The following GIGYF2 variants were observed in gnomAD, a reference collection of about 807,000 sequenced individuals.
The protein encoded by GIGYF2 is GRB10-interacting GYF protein 2.
Under a neutral mutation model 208.1 loss-of-function variants are expected in GIGYF2, and 25 were observed. That is an observed-to-expected ratio of 0.12 (90% CI 0.09 to 0.17). GIGYF2 has a LOEUF of 0.17. Among genes scored for constraint, GIGYF2 ranks in the 10% least tolerant of loss-of-function variants. The pLI is 1.00. For synonymous variants in GIGYF2, 534 were observed against 543.8 expected, an observed-to-expected ratio of 0.98 and a Z score of 0.25; for missense variants, 1,302 against 1,579.4, an observed-to-expected ratio of 0.82 and a Z score of 2.98.
intron 19 of GIGYF2, among the ~76,000 whole-genome samples, chr2:232,816,642 ATGT>A (rs1378651397): frequency 6.6e-6 from 1 of 152,190 alleles, no homozygotes. Context: ...CAGGGTGTTG[ATGT>A]TGTAGCGTAT....
intron 8 of GIGYF2, among the ~76,000 whole-genome samples, chr2:232,781,948 G>C (rs1244346244): frequency 1.3e-5 from 2 of 152,132 alleles, no homozygotes; most frequent in Non-Finnish European, 2.9e-5. Flanking sequence ...AGTTAATGAT[G>C]GTTGACTTAA....
intron 2 of GIGYF2, among the ~76,000 whole-genome samples, chr2:232,722,080 C>T (rs1696968046): frequency 6.6e-6 from 1 of 152,196 alleles, no homozygotes; most frequent in African/African-American, 2.4e-5. Flanking sequence ...AAAACCCTAA[C>T]CCTGGTTTCC....
chr2:232,834,998 T>A (rs1367706148), intron 22 of GIGYF2, among the ~76,000 whole-genome samples: 1 of 152,222 alleles, frequency 6.6e-6, no homozygotes, highest in East Asian at 1.9e-4. Context: ...ACTCACCTCG[T>A]ATTCTCCCAG....
intron 14 of GIGYF2, among the ~76,000 whole-genome samples, chr2:232,799,867 A>G (rs1700340663): frequency 6.6e-6 from 1 of 151,808 alleles, no homozygotes; most frequent in Admixed American, 6.6e-5. Flanking sequence ...GCATTTCCCT[A>G]ATCATAAGGA....
chr2:232,834,132 C>G (rs1187032108), intron 22 of GIGYF2, among the ~76,000 whole-genome samples: 6 of 152,090 alleles, frequency 3.9e-5, no homozygotes, highest in Non-Finnish European at 7.3e-5. Context: ...GAGGAGCAGA[C>G]TTATGGCAGG....
chr2:232,697,562 C>A (rs986003819), intron 1 of GIGYF2, among the ~76,000 whole-genome samples, 170 bp downstream of exon 1: 4 of 152,212 alleles, frequency 2.6e-5, no homozygotes, highest in Non-Finnish European at 4.4e-5. Flanking sequence ...CGGCTTGGGC[C>A]GTCAGGCGAC....
chr2:232,813,252 C>T (rs143198010), intron 18 of GIGYF2, among the ~76,000 whole-genome samples: 43 of 140,682 alleles, frequency 3.1e-4, no homozygotes, highest in African/African-American at 9.6e-4. Context: ...TGCAGTGGTG[C>T]GTTCTCAGCT....
chr2:232,809,569 C>CT (rs1465424041), intron 15 of GIGYF2, 151 bp from the exon 16 acceptor site: 3 of 641,738 alleles, frequency 4.7e-6, no homozygotes, highest in South Asian at 3.5e-5. Context: ...TTAAAGATGT[C>CT]TGAGTTTTTA....
intron 22 of GIGYF2, among the ~76,000 whole-genome samples, chr2:232,836,059 G>A (rs923288490): frequency 2.6e-5 from 4 of 151,168 alleles, no homozygotes; most frequent in Admixed American, 2.0e-4. Flanking sequence ...AAAAACCTGC[G>A]AGTTAGCCCT....
chr2:232,708,167 C>T (rs1574769430), intron 2 of GIGYF2, among the ~76,000 whole-genome samples: 1 of 151,926 alleles, frequency 6.6e-6, no homozygotes, highest in Admixed American at 6.6e-5. Flanking sequence ...GCCATGTTGC[C>T]CAGGCTGGTC....
chr2:232,787,334 G>A lies in GIGYF2; in HGVS notation c.712+5G>A. On this transcript the variant is annotated splice_donor_5th_base_variant and intron_variant, in intron 9 of 28. Transcript: ENST00000373563. ...GGTGGCGACCTCACAGTCCTGGTAA[G>A]AATTCTGTTGAGTAAAGGCACACAG... 1 of 1,612,868 alleles carries A rather than the reference G, an allele frequency of 6.2e-7. No homozygotes were observed. The highest frequency in any genetic ancestry group is 8.5e-7 in the Non-Finnish European group (1 of 1,178,996).
At chr2:232,725,022 AT>A (rs1382158736) in intron 2 of GIGYF2, among the ~76,000 whole-genome samples, 1 of 152,210 alleles carries the variant, frequency 6.6e-6, no homozygotes, top group Non-Finnish European at 1.5e-5. Context: ...ATTTTAAAAT[AT>A]TTTAAATATA....
At chr2:232,787,660 A>C (rs1699956693) in intron 9 of GIGYF2, among the ~76,000 whole-genome samples, 1 of 152,212 alleles carries the variant, frequency 6.6e-6, no homozygotes, top group Non-Finnish European at 1.5e-5. Context: ...AAGATTTATA[A>C]ATGTGTAAAA....
At chr2:232,831,250 T>G (rs1701418071) in intron 21 of GIGYF2, among the ~76,000 whole-genome samples, 1 of 152,230 alleles carries the variant, frequency 6.6e-6, no homozygotes, top group Non-Finnish European at 1.5e-5. Flanking sequence ...GAAGTCACTC[T>G]GTGCAGTCCA....
chr2:232,715,199 T>G (rs1370386940), intron 2 of GIGYF2, among the ~76,000 whole-genome samples: 1 of 152,190 alleles, frequency 6.6e-6, no homozygotes, highest in Non-Finnish European at 1.5e-5. Context: ...ATGCAAATAG[T>G]TTGTTTTTTA....
intron 8 of GIGYF2, among the ~76,000 whole-genome samples, chr2:232,762,733 GTTATAT>G (rs1574848541): frequency 6.6e-6 from 1 of 152,096 alleles, no homozygotes; most frequent in South Asian, 2.1e-4. Context: ...GGAATACGTA[GTTATAT>G]TTATATTAAT....
At chr2:232,751,934 A>G (rs376741231) in intron 5 of GIGYF2, among the ~76,000 whole-genome samples, 6 of 152,230 alleles carry the variant, frequency 3.9e-5, no homozygotes, top group East Asian at 1.9e-4. Flanking sequence ...CACTACACCT[A>G]TACACCAAAA....
intron 2 of GIGYF2, among the ~76,000 whole-genome samples, chr2:232,725,971 C>T (rs377180398): frequency 1.1e-4 from 17 of 152,190 alleles, no homozygotes; most frequent in South Asian, 2.1e-4. Context: ...GTTTGGAGAC[C>T]GGGAGAGCTC....
chr2:232,783,712 G>A (rs1699800960), intron 8 of GIGYF2, among the ~76,000 whole-genome samples: 1 of 151,964 alleles, frequency 6.6e-6, no homozygotes, highest in South Asian at 2.1e-4. Context: ...TTGAGATGGA[G>A]TTTAGCTCTT....
Sources: allele counts gnomAD v4.1 joint callset (sites outside exome capture counted in the v4.1 genomes callset), GRCh38; gene constraint gnomAD v4.1.1; transcripts MANE v1.5; gene names NCBI Gene and HGNC (gene_info 2026-07-23, HGNC 2026-07-21).